Variants in CEP78 observed in about 807,000 individuals in gnomAD.
CEP78 encodes centrosomal protein of 78 kDa.
Under a neutral mutation model 81.2 loss-of-function variants are expected in CEP78, and 76 were observed. The observed-to-expected ratio is 0.94, with a 90% CI of 0.78 to 1.13. CEP78 has a LOEUF of 1.13. Among genes scored for constraint, CEP78 ranks in the 50% most tolerant of loss-of-function variants. The pLI is 0.00. For missense variants in CEP78, 918 were observed against 846.8 expected, an observed-to-expected ratio of 1.08 and a Z score of -1.04; for synonymous variants, 293 against 301.4, an observed-to-expected ratio of 0.97 and a Z score of 0.29.
chr9:78,253,935 A>AT (rs1312606344), intron 10 of CEP78: 6 of 152,130 alleles, frequency 3.9e-5, no homozygotes, highest in African/African-American at 1.4e-4. Context: ...ACCGTCTAGG[A>AT]TTTTCAGGTA....
rs777091174 is a variant in CEP78 at position 78,236,560 on chromosome 9, G to A, written c.210G>A (p.Leu70=). The A allele has an allele frequency of 3.8e-6, 6 of 1,584,326 alleles. No homozygotes were observed. Among genetic ancestry groups the A allele is most frequent in the Non-Finnish European group, 5.1e-6 (6 of 1,165,142 alleles). Residue 70 remains leucine (L), a synonymous_variant, in exon 1 of 17, where the codon TTG becomes TTA. Coordinates refer to ENST00000643273, the MANE Select transcript of CEP78 (RefSeq NM_001330691.3). The part of the protein sequence containing the change: ...STLKINKDLP[L]VSIKSFFQPW... ...TCAAGATCAATAAAGACCTGCCCTT[G>A]GTCTCCATCAAGAGCTTCTTCCAGC...
In CEP78 at chr9:78,236,228, G is replaced by T; in HGVS notation, c.-123G>T. On this transcript the variant is annotated 5_prime_UTR_variant, in exon 1 of 17. Coordinates refer to ENST00000643273, the MANE Select transcript of CEP78 (RefSeq NM_001330691.3). ...CGACCGAATCACCGCTCCTGAGCCC[G>T]GTGCGGGGCTGCCGCTATCGCCTGG... The T allele has an allele frequency of 1.2e-6, 1 of 838,662 alleles. No individual in the cohort carries two copies. The highest frequency in any genetic ancestry group is 1.8e-5 in the South Asian group (1 of 55,554). The allele number at this position is 838,662 out of a possible 1,614,324, so 52.0% of individuals were successfully genotyped here.
intron 10 of CEP78, 27 bp from the exon 11 acceptor site, chr9:78,254,809 T>C (rs766942562): frequency 6.3e-7 from 1 of 1,578,738 alleles, no homozygotes; most frequent in South Asian, 1.1e-5. Context: ...TTTATATTAT[T>C]ATACAATCTT....
At chr9:78,248,618 C>T (rs931219062) in intron 7 of CEP78, 144 bp from the exon 8 acceptor site, 2 of 617,556 alleles carry the variant, frequency 3.2e-6, no homozygotes, top group African/African-American at 3.8e-5. Context: ...TTTGTAAATA[C>T]CGTATGATTC....
rs1827691249 is a variant in CEP78 at position 78,271,689 on chromosome 9, T to A, written c.*838T>A. On this transcript the variant is annotated 3_prime_UTR_variant, in exon 17 of 17. Coordinates refer to ENST00000643273, the MANE Select transcript of CEP78 (RefSeq NM_001330691.3). ...AATGAACAATGAACCCATTAACGTGTGGTTTTGTTTTTTGGGTTTTTTTTT... is the reference window on the plus strand; with the variant it reads ...AATGAACAATGAACCCATTAACGTGAGGTTTTGTTTTTTGGGTTTTTTTTT... 1 of 151,554 alleles carries A rather than the reference T, an allele frequency of 6.6e-6. No individual in the cohort carries two copies. Among genetic ancestry groups the A allele is most frequent in the South Asian group, 2.1e-4 (1 of 4,812 alleles). The allele number at this position is 151,554 out of a possible 1,614,324, so 9.4% of individuals were successfully genotyped here.
At position 78,266,478 on chromosome 9, in the gene CEP78, C is replaced by A. The variant is rs977096894; in HGVS notation, c.1882C>A (p.Pro628Thr). 1.2e-6 allele frequency: 2 copies of A among 1,611,320 alleles called. No individual in the cohort carries two copies. Among genetic ancestry groups the A allele is most frequent in the African/African-American group, 2.7e-5 (2 of 74,842 alleles). The change falls in exon 16 of 17, where the codon CCT becomes ACT. Residue 628 changes from proline (P) to threonine (T), a missense_variant. By Grantham distance (38) the Pro-to-Thr change is conservative. Transcript: ENST00000643273. ...KITGDARIPLPLDSFPVPVST... is the reference protein window; with the variant it reads ...KITGDARIPLTLDSFPVPVST... ...TACAGGTGATGCTAGAATTCCTTTG[C>A]CTCTCGACTCCTTTCCTGTCCCAGT...
rs1280968932 is a variant in CEP78 at position 78,240,278 on chromosome 9, C to A, written c.427-14C>A. The A allele has an allele frequency of 6.2e-7, 1 of 1,607,016 alleles. No homozygotes were observed. The highest frequency in any genetic ancestry group is 8.5e-7 in the Non-Finnish European group (1 of 1,176,022). On this transcript the variant is annotated splice_polypyrimidine_tract_variant and intron_variant, in intron 2 of 16. Coordinates refer to ENST00000643273, the MANE Select transcript of CEP78 (RefSeq NM_001330691.3). ...AACCTCAATAACATTTTTAACTTTT[C>A]CCCCTCATTAAAGGGATTGAATAAA...
chr9:78,261,910 G>A (rs572257070), intron 11 of CEP78, among the ~76,000 whole-genome samples: 134 of 152,224 alleles, frequency 8.8e-4, no homozygotes, highest in African/African-American at 3.1e-3. Flanking sequence ...AATGTGTTCT[G>A]AGTATAAAAA....
chr9:78,244,280 G>A (rs540339162), intron 5 of CEP78, among the ~76,000 whole-genome samples: 2 of 151,812 alleles, frequency 1.3e-5, no homozygotes, highest in East Asian at 3.9e-4. Context: ...GGCACTACAG[G>A]TGCACACCAC....
intron 11 of CEP78, among the ~76,000 whole-genome samples, chr9:78,258,752 A>C (rs1827148499): frequency 6.6e-6 from 1 of 152,242 alleles, no homozygotes; most frequent in East Asian, 1.9e-4. Context: ...ATAAGTATGG[A>C]AAAGTGTTCA....
At chr9:78,236,700 G>A in intron 1 of CEP78, 97 bp downstream of exon 1, 1 of 1,440,208 alleles carries the variant, frequency 6.9e-7, no homozygotes, top group African/African-American at 1.5e-5. Flanking sequence ...GCAATAGAAG[G>A]GGTGTGCGGC....
intron 8 of CEP78, 140 bp downstream of exon 8, chr9:78,249,013 A>G (rs1826634317): frequency 5.3e-6 from 2 of 378,758 alleles, no homozygotes; most frequent in South Asian, 1.2e-4. Context: ...TTGTTCTGAT[A>G]AGATTATGAG....
chr9:78,250,671 G>A (rs1010208181), intron 8 of CEP78, among the ~76,000 whole-genome samples: 7 of 152,114 alleles, frequency 4.6e-5, no homozygotes, highest in South Asian at 2.1e-4. Context: ...CCTGGGAGGC[G>A]GAGGTTGCAG....
chr9:78,236,817 A>T (rs12552710), intron 1 of CEP78, among the ~76,000 whole-genome samples: 2 of 152,086 alleles, frequency 1.3e-5, no homozygotes, highest in Non-Finnish European at 2.9e-5. Flanking sequence ...CGCCTTCGCA[A>T]GGATTCCCTG....
chr9:78,238,981 C>G (rs1485238115), intron 1 of CEP78, among the ~76,000 whole-genome samples: 1 of 151,722 alleles, frequency 6.6e-6, no homozygotes, highest in African/African-American at 2.4e-5. Flanking sequence ...AGAGCAAGAC[C>G]CTGTCCATGA....
intron 13 of CEP78, 58 bp downstream of exon 13, chr9:78,264,374 G>A: frequency 1.4e-6 from 2 of 1,425,816 alleles, no homozygotes; most frequent in Non-Finnish European, 1.9e-6. Flanking sequence ...GTGTTTTGCT[G>A]AGGAACTTGA....
intron 16 of CEP78, 134 bp from the exon 17 acceptor site, chr9:78,270,707 T>C: frequency 1.8e-6 from 1 of 541,266 alleles, no homozygotes. Flanking sequence ...GAATCTCTAA[T>C]CTCAAGACAG....
Position 78,264,142 on chromosome 9 carries a change from T to C in CEP78, c.1459-8T>C. ...ATCATGTCACACATTTTCAATCTTC[T>C]TTTATAGCTGGAACATGAAAATGCC... On this transcript the variant is annotated splice_region_variant and splice_polypyrimidine_tract_variant and intron_variant, in intron 12 of 16. Transcript: ENST00000643273. The C allele has an allele frequency of 2.1e-6, 3 of 1,433,800 alleles. No individual in the cohort carries two copies. Among genetic ancestry groups the C allele is most frequent in the Non-Finnish European group, 2.8e-6 (3 of 1,088,414 alleles). The allele number at this position is 1,433,800 out of a possible 1,614,324, so 88.8% of individuals were successfully genotyped here. A position where few individuals can be genotyped will look rare whatever the true frequency, so the allele number is the denominator to read the frequency against.
intron 9 of CEP78, among the ~76,000 whole-genome samples, chr9:78,252,731 T>C (rs1272350143): frequency 1.3e-5 from 2 of 152,218 alleles, no homozygotes; most frequent in East Asian, 1.9e-4. Flanking sequence ...ATGTAAAATA[T>C]CTGTTCAATT....
Sources: allele counts gnomAD v4.1 joint callset (sites outside exome capture counted in the v4.1 genomes callset), GRCh38; gene constraint gnomAD v4.1.1; transcripts MANE v1.5; gene names NCBI Gene and HGNC (gene_info 2026-07-23, HGNC 2026-07-21).